Variants in ARMC6 observed in about 807,000 individuals in gnomAD.
ARMC6 encodes armadillo repeat containing 6.
A neutral mutation model predicts 49.2 loss-of-function variants in ARMC6; 43 were observed. The observed-to-expected ratio is 0.87, with a 90% confidence interval of 0.69 to 1.13. The LOEUF (loss-of-function observed/expected upper bound fraction) is 1.13, where lower values mean the gene tolerates loss of function less well. Among genes scored for constraint, ARMC6 ranks in the 50% most tolerant of loss-of-function variants. The pLI, the probability that ARMC6 is intolerant of heterozygous loss-of-function variation, is 0.00. For synonymous variants in ARMC6, 262 were observed against 289.6 expected (o/e 0.90, Z 0.97); for missense variants, 627 against 682.0 (o/e 0.92, Z 0.90).
At position 19,034,748 on chromosome 19, in the gene ARMC6, C is replaced by G. The variant is rs562970583; in HGVS notation, c.29+510C>G. ...GGACTACAGGTGCGCAACACCGCACCTGGCTAAATTTTGTATTTTTTTTTT... is the reference window on the plus strand; with the variant it reads ...GGACTACAGGTGCGCAACACCGCACGTGGCTAAATTTTGTATTTTTTTTTT... On this transcript the variant is annotated intron_variant, in intron 2 of 8. Coordinates refer to ENST00000535612, the MANE Select transcript of ARMC6 (RefSeq NM_001199196.2). 1.4e-3 allele frequency among the ~76,000 whole-genome samples: 207 copies of G among 151,720 alleles called. 1 individual carries two copies. Among genetic ancestry groups the G allele is most frequent in the Middle Eastern group, 6.8e-3 (2 of 294 alleles).
At chr19:19,042,654 GCCCTGCCATT>G in intron 2 of ARMC6, 47 bp from the exon 3 acceptor site, 1 of 1,592,490 alleles carries the variant, frequency 6.3e-7, no homozygotes, top group Non-Finnish European at 8.5e-7. Context: ...AGGTGGCCAG[GCCCTGCCATT>G]GCCTGCTCAC....
Position 19,041,772 on chromosome 19 carries a change from C to T in ARMC6, c.30-939C>T, listed in dbSNP as rs148094682. On this transcript the variant is annotated intron_variant, in intron 2 of 8. Transcript: ENST00000535612. ...ATGCATGCAGATTGTGAAATACTCA[C>T]CTCAATCAACAGTTACCTTTTTCTT... Among the ~76,000 whole-genome samples the T allele has an allele frequency of 4.9e-3, 744 of 152,338 alleles. 4 individuals carry two copies. The highest frequency in any genetic ancestry group is 7.9e-3 in the Non-Finnish European group (538 of 68,030).
At chr19:19,049,035 T>C (rs1350269286) in intron 4 of ARMC6, among the ~76,000 whole-genome samples, 1 of 150,742 alleles carries the variant, frequency 6.6e-6, no homozygotes, top group African/African-American at 2.4e-5. Flanking sequence ...AGAGGAGGGG[T>C]CCTTAGTATG....
chr19:19,033,611 G>A lies in ARMC6; in HGVS notation c.-399G>A. 8.5e-7 allele frequency: 1 copy of A among 1,171,912 alleles called. No individual in the cohort carries two copies. Among genetic ancestry groups the A allele is most frequent in the Non-Finnish European group, 1.1e-6 (1 of 949,362 alleles). The allele number at this position is 1,171,912 out of a possible 1,614,324, so 72.6% of individuals were successfully genotyped here. A position where few individuals can be genotyped will look rare whatever the true frequency, so the allele number is the denominator to read the frequency against. ...CGCAGGCGCGGGCCGCCGCGGCCCG[G>A]CTCTCTTGCGCAAGCGCGCTGTCCG... On this transcript the variant is annotated 5_prime_UTR_variant, in exon 1 of 9. Transcript: ENST00000535612.
intron 4 of ARMC6, among the ~76,000 whole-genome samples, chr19:19,048,841 G>T (rs2059472779): frequency 6.6e-6 from 1 of 152,058 alleles, no homozygotes; most frequent in Non-Finnish European, 1.5e-5. Flanking sequence ...AAAATACTTT[G>T]ATTTCTTTCC....
chr19:19,034,078 C>T, intron 1 of ARMC6, 53 bp from the exon 2 acceptor site: 1 of 662,732 alleles, frequency 1.5e-6, no homozygotes, highest in Non-Finnish European at 2.6e-6. Context: ...GGACAAAATC[C>T]TCGGCTTCCC....
In ARMC6 at chr19:19,052,084, G is replaced by A; in HGVS notation, c.742G>A (p.Val248Ile). ...CAGGGAAGCCTGCTGGGCCCTGCGT[G>A]TCATGACCTTCGATGACGACATCCG... ...VVREACWALR[V>I]MTFDDDIRVP... The change falls in exon 5 of 9, where the codon GTC (valine) becomes ATC (isoleucine). Residue 248 changes from valine to isoleucine, a missense_variant. By Grantham distance (29) the Val-to-Ile change is conservative. Coordinates refer to ENST00000535612, the MANE Select transcript of ARMC6 (RefSeq NM_001199196.2). The A allele has an allele frequency of 6.2e-7, 1 of 1,613,958 alleles. No homozygotes were observed. Among genetic ancestry groups the A allele is most frequent in the Non-Finnish European group, 8.5e-7 (1 of 1,180,050 alleles).
chr19:19,045,749 T>G (rs2059445343), intron 4 of ARMC6, among the ~76,000 whole-genome samples: 1 of 151,656 alleles, frequency 6.6e-6, no homozygotes, highest in South Asian at 2.1e-4. Context: ...CCTCCTGGGC[T>G]CACGCCATTC....
chr19:19,048,300 T>G (rs1218956842), intron 4 of ARMC6, among the ~76,000 whole-genome samples: 1 of 151,968 alleles, frequency 6.6e-6, no homozygotes, highest in Non-Finnish European at 1.5e-5. Context: ...GAGCCAAGAT[T>G]GCACCATTGC....
Position 19,042,926 on chromosome 19 carries a change from A to C in ARMC6, c.196+49A>C, listed in dbSNP as rs764484093. On this transcript the variant is annotated intron_variant, in intron 3 of 8. Coordinates refer to ENST00000535612, the MANE Select transcript of ARMC6 (RefSeq NM_001199196.2). The stretch of plus-strand genomic sequence containing the variant: ...ACCATCCTTGGCTCTTAGATGCAAG[A>C]GCAGTGGGAGAGCCCTGCTGCCCCG... 1.6e-5 allele frequency: 25 copies of C among 1,605,188 alleles called. No individual in the cohort carries two copies. The South Asian group carries it at 2.8e-4, about 18-fold the overall frequency.
intron 5 of ARMC6, among the ~76,000 whole-genome samples, chr19:19,052,956 C>T (rs2059511362): frequency 6.6e-6 from 1 of 152,180 alleles, no homozygotes; most frequent in South Asian, 2.1e-4. Flanking sequence ...CACATCTTTC[C>T]TGTTTTATTT....
chr19:19,057,062 A>G (rs2059550601), intron 8 of ARMC6, among the ~76,000 whole-genome samples: 1 of 152,232 alleles, frequency 6.6e-6, no homozygotes, highest in Non-Finnish European at 1.5e-5. Context: ...CCTGTGCACA[A>G]CCACTGTCTT....
Position 19,057,818 on chromosome 19 carries a change from GC to G in ARMC6, c.*195del. Reference sequence around the variant, plus strand: ...GGAGGCCTCTACACAGAAGAAAGCAGCCCCCATGTCCCAGCCACTTCTGGGT... The same window carrying G: ...GGAGGCCTCTACACAGAAGAAAGCAGCCCCATGTCCCAGCCACTTCTGGGT... On this transcript the variant is annotated 3_prime_UTR_variant, in exon 9 of 9. Coordinates refer to ENST00000535612, the MANE Select transcript of ARMC6 (RefSeq NM_001199196.2). 1.3e-6 allele frequency: 1 copy of G among 764,330 alleles called. No homozygotes were observed. The highest frequency in any genetic ancestry group is 2.4e-6 in the Non-Finnish European group (1 of 425,530). The allele number at this position is 764,330 out of a possible 1,614,324, so 47.3% of individuals were successfully genotyped here.
At chr19:19,039,788 T>C (rs1167558371) in intron 2 of ARMC6, among the ~76,000 whole-genome samples, 1 of 152,234 alleles carries the variant, frequency 6.6e-6, no homozygotes, top group African/African-American at 2.4e-5. Context: ...ATTCATCTGT[T>C]GGTAGACTCC....
chr19:19,045,974 T>A (rs1389241658), intron 4 of ARMC6, among the ~76,000 whole-genome samples: 1 of 151,870 alleles, frequency 6.6e-6, no homozygotes, highest in Non-Finnish European at 1.5e-5. Context: ...TCTTAAAATA[T>A]GTTCTCTTAA....
At chr19:19,053,874 C>CT (rs1568496343) in intron 5 of ARMC6, among the ~76,000 whole-genome samples, 2 of 148,202 alleles carry the variant, frequency 1.3e-5, no homozygotes, top group Non-Finnish European at 1.5e-5. Flanking sequence ...TTATAGTTTT[C>CT]TTTTTTTAGG....
chr19:19,048,937 AG>A (rs1255700524), intron 4 of ARMC6, among the ~76,000 whole-genome samples: 1 of 152,224 alleles, frequency 6.6e-6, no homozygotes, highest in African/African-American at 2.4e-5. Flanking sequence ...TTCCAAAGGC[AG>A]GAAGATAAAA....
Position 19,055,909 on chromosome 19 carries a change from C to T in ARMC6, c.1274C>T (p.Pro425Leu), listed in dbSNP as rs754303232. 181 of 1,610,850 alleles carry T rather than the reference C, an allele frequency of 1.1e-4. No individual in the cohort carries two copies. Among genetic ancestry groups the T allele is most frequent in the Non-Finnish European group, 1.3e-4 (151 of 1,179,244 alleles). ...VAALQAMKAH[P>L]QKAGVQKQAC... is the part of the protein sequence containing the mutation. ...GCACTGCAGGCCATGAAGGCACACC[C>T]GCAGAAGGCCGGCGTGCAGGTGGGC... is the stretch of plus-strand genomic sequence containing the variant. The change falls in exon 8 of 9, where the codon CCG becomes CTG. Residue 425 changes from proline to leucine, a missense_variant. By Grantham distance (98) the Pro-to-Leu change is moderately conservative. Coordinates refer to ENST00000535612, the MANE Select transcript of ARMC6 (RefSeq NM_001199196.2). This position sits in a 1 kb window ranked among gnomAD's most constrained non-coding sequence, Gnocchi z 5.7.
At chr19:19,044,797 G>T (rs1024896724) in intron 4 of ARMC6, among the ~76,000 whole-genome samples, 1 of 152,210 alleles carries the variant, frequency 6.6e-6, no homozygotes, top group Non-Finnish European at 1.5e-5. Flanking sequence ...AGAAGTCATT[G>T]ACATGGGAGC....
Sources: allele counts gnomAD v4.1 joint callset (sites outside exome capture counted in the v4.1 genomes callset), GRCh38; gene constraint gnomAD v4.1.1; non-coding constraint Gnocchi (gnomAD v3.1); transcripts MANE v1.5; gene names NCBI Gene and HGNC (gene_info 2026-07-23, HGNC 2026-07-21).